The following CADPS2 variants were observed in gnomAD, a reference collection of about 807,000 sequenced individuals.
The protein encoded by CADPS2 is calcium dependent secretion activator 2, also known as calcium-dependent secretion activator 2.
Under a neutral mutation model 172.5 loss-of-function variants are expected in CADPS2, and 93 were observed. The ratio of observed to expected loss-of-function variants is 0.54; its 90% CI spans 0.46 to 0.64. The LOEUF is 0.64. CADPS2 is among the 30% of genes least tolerant of loss of function. The probability of loss-of-function intolerance (pLI) is 0.00; values close to 1 mark genes in which losing one functional copy is unlikely to be tolerated. For missense variants in CADPS2, 1,420 were observed against 1,565.9 expected (o/e 0.91, Z 1.57); for synonymous variants, 546 against 555.2 (o/e 0.98, Z 0.23).
At chr7:122,440,994 G>A (rs1236298035) in intron 16 of CADPS2, among the ~76,000 whole-genome samples, 1 of 151,996 alleles carries the variant, frequency 6.6e-6, no homozygotes, top group Non-Finnish European at 1.5e-5. Flanking sequence ...TTATTTTGTG[G>A]GGGAGAAACA....
At chr7:122,571,501 C>T (rs1450065763) in intron 7 of CADPS2, among the ~76,000 whole-genome samples, 1 of 152,080 alleles carries the variant, frequency 6.6e-6, no homozygotes, top group Non-Finnish European at 1.5e-5. Context: ...CTTTCCTCTA[C>T]CTCTACAGTG....
chr7:122,490,546 A>G (rs1388400727), intron 10 of CADPS2, among the ~76,000 whole-genome samples: 2 of 152,162 alleles, frequency 1.3e-5, no homozygotes, highest in Admixed American at 1.3e-4. Flanking sequence ...CAAGACATAT[A>G]AACACACTCC....
At chr7:122,488,104 A>G (rs114523820) in intron 11 of CADPS2, among the ~76,000 whole-genome samples, 162 of 152,318 alleles carry the variant, frequency 1.1e-3, no homozygotes, top group African/African-American at 3.8e-3. Flanking sequence ...AGAGGTAAGA[A>G]ACAAATTTAT....
chr7:122,595,173 A>G lies in CADPS2; in HGVS notation c.1224-13883T>C, dbSNP rs74738785. 1.1e-4 allele frequency among the ~76,000 whole-genome samples: 17 copies of G among 151,546 alleles called. No individual in the cohort carries two copies. The South Asian group carries it at 2.1e-3, about 19-fold the overall frequency. On this transcript the variant is annotated intron_variant, in intron 6 of 29. Coordinates refer to ENST00000449022, the MANE Select transcript of CADPS2 (RefSeq NM_017954.11). ...TGTTATATGAACCAAAAAAAAAAAA[A>G]TCCTTTCAAATGTAACATAATTAAT... is the stretch of plus-strand genomic sequence containing the variant.
chr7:122,655,665 C>G (rs995008266), intron 3 of CADPS2, among the ~76,000 whole-genome samples: 1 of 151,980 alleles, frequency 6.6e-6, no homozygotes, highest in African/African-American at 2.4e-5. Flanking sequence ...TGGTCTGGAA[C>G]TGGACCCACA....
At chr7:122,869,550 C>A (rs1819209903) in intron 1 of CADPS2, among the ~76,000 whole-genome samples, 1 of 151,528 alleles carries the variant, frequency 6.6e-6, no homozygotes, top group Non-Finnish European at 1.5e-5. Context: ...GAATTCATCA[C>A]CACTAGACCT....
At chr7:122,843,045 G>A (rs1455852796) in intron 1 of CADPS2, among the ~76,000 whole-genome samples, 2 of 152,160 alleles carry the variant, frequency 1.3e-5, no homozygotes, top group African/African-American at 2.4e-5. Flanking sequence ...GGGAAAAAAT[G>A]CTTTAATCTC....
intron 2 of CADPS2, among the ~76,000 whole-genome samples, chr7:122,713,470 G>C (rs1187026870): frequency 1.3e-5 from 2 of 151,966 alleles, no homozygotes; most frequent in Non-Finnish European, 2.9e-5. Context: ...AGCACTACTT[G>C]GCTCATACAC....
intron 2 of CADPS2, among the ~76,000 whole-genome samples, chr7:122,708,264 T>A (rs2087927120): frequency 6.6e-6 from 1 of 151,614 alleles, no homozygotes; most frequent in African/African-American, 2.4e-5. Flanking sequence ...CAATAAAAGT[T>A]GAATTAAATT....
At chr7:122,600,794 T>C (rs972903345) in intron 6 of CADPS2, among the ~76,000 whole-genome samples, 3 of 152,070 alleles carry the variant, frequency 2.0e-5, no homozygotes, top group African/African-American at 7.2e-5. Context: ...CTCCCAGATA[T>C]TGGTTCAGTG....
chr7:122,443,948 A>T (rs1296461091), intron 15 of CADPS2, among the ~76,000 whole-genome samples: 3 of 152,090 alleles, frequency 2.0e-5, no homozygotes, highest in African/African-American at 7.2e-5. Context: ...TATACTTGTG[A>T]CTATAATCAA....
At chr7:122,801,119 T>C (rs1797562727) in intron 1 of CADPS2, among the ~76,000 whole-genome samples, 1 of 151,804 alleles carries the variant, frequency 6.6e-6, no homozygotes, top group Admixed American at 6.6e-5. Flanking sequence ...GAAAGCACAT[T>C]TAAAACTAGA....
chr7:122,876,838 A>T (rs1306082506), intron 1 of CADPS2, among the ~76,000 whole-genome samples: 1 of 152,182 alleles, frequency 6.6e-6, no homozygotes, highest in Middle Eastern at 3.2e-3. Context: ...AAAAAGCAAT[A>T]GGCTAAAAAA....
intron 7 of CADPS2, among the ~76,000 whole-genome samples, chr7:122,565,002 A>C (rs1255560767): frequency 6.6e-6 from 1 of 152,098 alleles, no homozygotes; most frequent in Non-Finnish European, 1.5e-5. Flanking sequence ...ATGTTCTCAC[A>C]AATGGGAGTG....
chr7:122,653,687 C>T (rs923970603), intron 3 of CADPS2, among the ~76,000 whole-genome samples: 5 of 152,176 alleles, frequency 3.3e-5, no homozygotes, highest in African/African-American at 1.2e-4. Flanking sequence ...GTGCTCACTT[C>T]TGTGTCTCAT....
intron 2 of CADPS2, among the ~76,000 whole-genome samples, chr7:122,704,586 C>T (rs922908832): frequency 2.6e-5 from 4 of 151,968 alleles, no homozygotes; most frequent in East Asian, 1.9e-4. Context: ...TGCTTCAAAA[C>T]ATATCTCACA....
intron 2 of CADPS2, among the ~76,000 whole-genome samples, chr7:122,690,529 A>G (rs1455306004): frequency 2.0e-5 from 3 of 152,162 alleles, no homozygotes. Flanking sequence ...AGGGGCTTGG[A>G]GGGTCCATGG....
intron 25 of CADPS2, among the ~76,000 whole-genome samples, chr7:122,372,982 AT>A (rs1287812689): frequency 6.6e-6 from 1 of 152,222 alleles, no homozygotes; most frequent in Non-Finnish European, 1.5e-5. Context: ...TGCCCATTTC[AT>A]TAGAGGCAGA....
At chr7:122,599,339 GC>G (rs2072391794) in intron 6 of CADPS2, among the ~76,000 whole-genome samples, 1 of 152,020 alleles carries the variant, frequency 6.6e-6, no homozygotes, top group Non-Finnish European at 1.5e-5. Flanking sequence ...AATAAACCTA[GC>G]AAGGGCTCAA....
Sources: gnomAD v4.1 joint callset for allele counts (sites outside exome capture counted in the v4.1 genomes callset) on GRCh38, gnomAD v4.1.1 for gene constraint, MANE v1.5 for transcripts, NCBI Gene and HGNC (gene_info 2026-07-23, HGNC 2026-07-21) for gene names.